Variants in RAB3C observed in about 807,000 individuals in gnomAD.
The protein encoded by RAB3C is RAB3C, member RAS oncogene family, also known as ras-related protein Rab-3C.
A neutral mutation model predicts 26.4 loss-of-function variants in RAB3C; 17 were observed. That is an observed-to-expected ratio of 0.64 (90% confidence interval 0.44 to 0.97). RAB3C has a LOEUF of 0.97. Among genes scored for constraint, RAB3C ranks in the 50% least tolerant of loss-of-function variants. The pLI is 0.00. For synonymous variants in RAB3C, 91 were observed against 95.9 expected, an observed-to-expected ratio of 0.95 and a Z score of 0.30; for missense variants, 242 against 281.9, an observed-to-expected ratio of 0.86 and a Z score of 1.01.
intron 1 of RAB3C, among the ~76,000 whole-genome samples, chr5:58,607,438 T>C (rs1005325010): frequency 6.6e-6 from 1 of 152,122 alleles, no homozygotes; most frequent in Admixed American, 6.6e-5. Context: ...TACGTTTGAT[T>C]AGTGTACCTG....
intron 2 of RAB3C, among the ~76,000 whole-genome samples, chr5:58,657,000 A>C (rs1747789305): frequency 7.0e-6 from 1 of 143,310 alleles, no homozygotes; most frequent in South Asian, 2.3e-4. Context: ...CCCATCAAGC[A>C]ACTAGTGGAT....
chr5:58,654,398 C>A (rs947855791), intron 2 of RAB3C, among the ~76,000 whole-genome samples: 1 of 152,090 alleles, frequency 6.6e-6, no homozygotes, highest in Non-Finnish European at 1.5e-5. Context: ...CTTTACCCTA[C>A]AAGATTCAAA....
chr5:58,723,486 G>A (rs1740818284), intron 2 of RAB3C, among the ~76,000 whole-genome samples: 1 of 151,762 alleles, frequency 6.6e-6, no homozygotes, highest in African/African-American at 2.4e-5. Context: ...CTGATTCCCA[G>A]CCTCCTTGGA....
chr5:58,769,186 G>A (rs1741974466), intron 3 of RAB3C, among the ~76,000 whole-genome samples: 2 of 152,086 alleles, frequency 1.3e-5, no homozygotes, highest in Admixed American at 1.3e-4. Context: ...ATGGCAGGAA[G>A]AGTCCAGGGG....
intron 1 of RAB3C, among the ~76,000 whole-genome samples, chr5:58,611,891 T>C (rs1746711670): frequency 1.3e-5 from 2 of 152,268 alleles, no homozygotes; most frequent in South Asian, 2.1e-4. Context: ...TTAATCCATC[T>C]TGAGTTAGTT....
At position 58,672,982 on chromosome 5, in the gene RAB3C, G is replaced by A. The variant is rs1023236801; in HGVS notation, c.253-53020G>A. 3.9e-5 allele frequency among the ~76,000 whole-genome samples: 6 copies of A among 152,222 alleles called. No homozygotes were observed. The South Asian group carries it at 1.0e-3, about 26-fold the overall frequency. Reference sequence around the variant, plus strand: ...TCTTGTCTTTACTTTTCTCTCTAAGGATATTCCAAAAATATATGTTAGTAT... The same window carrying A: ...TCTTGTCTTTACTTTTCTCTCTAAGAATATTCCAAAAATATATGTTAGTAT... On this transcript the variant is annotated intron_variant, in intron 2 of 4. Transcript: ENST00000282878.
chr5:58,583,014 C>G, upstream of RAB3C: 1 of 1,416,234 alleles, frequency 7.1e-7, no homozygotes, highest in Non-Finnish European at 9.2e-7. Flanking sequence ...GACTACAGCT[C>G]CCAGGAGTGC....
intron 4 of RAB3C, among the ~76,000 whole-genome samples, chr5:58,833,050 A>G (rs144060125): frequency 6.6e-6 from 1 of 152,120 alleles, no homozygotes; most frequent in East Asian, 1.9e-4. Context: ...GGTATGTTTT[A>G]TAAGGTACTA....
rs984516118 is a variant in RAB3C, at chr5:58,851,608, G to C, written c.*257G>C. On this transcript the variant is annotated 3_prime_UTR_variant, in exon 5 of 5. Transcript: ENST00000282878. ...GACTTGTTATTTATTTGTCTGCTAG[G>C]CTCTTTTTGTTTCAAATTTGTTCTC... The C allele has an allele frequency of 3.1e-5, 11 of 352,546 alleles. No individual in the cohort carries two copies. Among genetic ancestry groups the C allele is most frequent in the Middle Eastern group, 7.3e-4 (1 of 1,368 alleles). 21.8% of individuals were successfully genotyped at this position (352,546 alleles called of 1,614,324 possible).
intron 3 of RAB3C, among the ~76,000 whole-genome samples, chr5:58,783,823 C>T (rs913439788): frequency 6.6e-6 from 1 of 152,172 alleles, no homozygotes; most frequent in Non-Finnish European, 1.5e-5. Flanking sequence ...CCTAAGCAAA[C>T]CAGGAACCTT....
intron 3 of RAB3C, among the ~76,000 whole-genome samples, chr5:58,742,818 A>T (rs1741305929): frequency 6.6e-6 from 1 of 152,214 alleles, no homozygotes; most frequent in South Asian, 2.1e-4. Context: ...GATTTCATTT[A>T]TGTAGCAGAT....
chr5:58,810,956 C>T (rs190059675), intron 3 of RAB3C, among the ~76,000 whole-genome samples: 14 of 152,290 alleles, frequency 9.2e-5, no homozygotes, highest in Non-Finnish European at 2.1e-4. Flanking sequence ...AACGGCACAA[C>T]CATGGCCTTG....
intron 1 of RAB3C, among the ~76,000 whole-genome samples, chr5:58,612,334 T>G (rs1477360480): frequency 1.3e-5 from 2 of 151,806 alleles, no homozygotes; most frequent in African/African-American, 4.8e-5. Context: ...GTATACCCAT[T>G]TTAATGATAT....
intron 1 of RAB3C, among the ~76,000 whole-genome samples, chr5:58,599,772 G>A (rs760680186): frequency 1.1e-4 from 17 of 151,524 alleles, no homozygotes; most frequent in Non-Finnish European, 2.2e-4. Flanking sequence ...TGTATAGATT[G>A]TGAAGATTTT....
chr5:58,654,673 ACTCTCTCTTCTC>A (rs1747728358), intron 2 of RAB3C, among the ~76,000 whole-genome samples: 1 of 115,878 alleles, frequency 8.6e-6, no homozygotes, highest in Non-Finnish European at 1.7e-5. Context: ...TCATGCTCTC[ACTCTCTCTTCTC>A]CTCTTTTTCC....
In RAB3C at chr5:58,857,028, A is replaced by G. The variant is rs1744275837; in HGVS notation, c.*5677A>G. ...TGATATGTCTTAAATGTTGCATGAAATATGTTATAAAAATAGATTTGTTTT... is the reference window on the plus strand; with the variant it reads ...TGATATGTCTTAAATGTTGCATGAAGTATGTTATAAAAATAGATTTGTTTT... On this transcript the variant is annotated 3_prime_UTR_variant, in exon 5 of 5. Transcript: ENST00000282878. 6.6e-6 allele frequency: 1 copy of G among 152,240 alleles called. No homozygotes were observed. The highest frequency in any genetic ancestry group is 1.5e-5 in the Non-Finnish European group (1 of 68,042). The allele number at this position is 152,240 out of a possible 1,614,324, so 9.4% of individuals were successfully genotyped here.
chr5:58,698,074 A>G (rs1412809723), intron 2 of RAB3C, among the ~76,000 whole-genome samples: 1 of 151,966 alleles, frequency 6.6e-6, no homozygotes, highest in Non-Finnish European at 1.5e-5. Flanking sequence ...GTTTCCTTCC[A>G]TGTTTAGTGC....
chr5:58,734,409 A>C (rs1741090926), intron 3 of RAB3C, among the ~76,000 whole-genome samples: 1 of 152,142 alleles, frequency 6.6e-6, no homozygotes, highest in Non-Finnish European at 1.5e-5. Flanking sequence ...CAGAGGGGGC[A>C]GTGGTGGGAT....
intron 3 of RAB3C, among the ~76,000 whole-genome samples, chr5:58,796,447 C>T (rs1742650955): frequency 6.6e-6 from 1 of 151,994 alleles, no homozygotes; most frequent in South Asian, 2.1e-4. Context: ...GTGGAGAAGA[C>T]TAAGTGAATA....
Sources: gnomAD v4.1 joint callset for allele counts (sites outside exome capture counted in the v4.1 genomes callset) on GRCh38, gnomAD v4.1.1 for gene constraint, MANE v1.5 for transcripts, NCBI Gene and HGNC (gene_info 2026-07-23, HGNC 2026-07-21) for gene names.